The following LAMA2 variants were observed in gnomAD, a reference collection of about 807,000 sequenced individuals.
The protein encoded by LAMA2 is laminin subunit alpha 2.
LAMA2 carries 269 observed loss-of-function variants against 364.8 expected under a neutral mutation model. The ratio of observed to expected loss-of-function variants is 0.74; its 90% CI spans 0.67 to 0.82. The LOEUF is 0.82. Ranked by LOEUF, LAMA2 falls within the 40% of genes least tolerant of loss-of-function variation. LAMA2 has a pLI of 0.00. For synonymous variants in LAMA2, 1,379 were observed against 1,370.6 expected (o/e 1.01, Z -0.14); for missense variants, 3,807 against 3,873.2 (o/e 0.98, Z 0.45).
Position 129,257,108 on chromosome 6 carries a change from T to G in LAMA2, c.2097-3603T>G, listed in dbSNP as rs536002902. Among the ~76,000 whole-genome samples, 68 of 152,026 alleles carry G rather than the reference T, an allele frequency of 4.5e-4. 3 individuals carry two copies. Among genetic ancestry groups the G allele is most frequent in the Non-Finnish European group, 1.0e-4 (7 of 67,928 alleles). ...GCATTTGACTTAGTTGACAATTCTT[T>G]GATAGCTCATGCATCTCTAAAATTT... is the stretch of plus-strand genomic sequence containing the variant. On this transcript the variant is annotated intron_variant, in intron 14 of 64. Transcript: ENST00000421865.
At chr6:129,447,861 T>C (rs1782468763) in intron 45 of LAMA2, among the ~76,000 whole-genome samples, 1 of 152,268 alleles carries the variant, frequency 6.6e-6, no homozygotes, top group African/African-American at 2.4e-5. Context: ...TCTGACTTAG[T>C]CATCAAGTGG....
chr6:129,137,912 G>C (rs1777898069), intron 4 of LAMA2, among the ~76,000 whole-genome samples: 1 of 151,960 alleles, frequency 6.6e-6, no homozygotes, highest in African/African-American at 2.4e-5. Flanking sequence ...ATAAAAATAG[G>C]GGGAGTCAAG....
chr6:129,381,142 T>G (rs1055259511), intron 34 of LAMA2, among the ~76,000 whole-genome samples: 1 of 152,200 alleles, frequency 6.6e-6, no homozygotes, highest in African/African-American at 2.4e-5. Context: ...AATGTACATT[T>G]TCTGTACCAT....
intron 1 of LAMA2, among the ~76,000 whole-genome samples, chr6:128,961,000 T>TC (rs1781453644): frequency 6.6e-6 from 1 of 152,008 alleles, no homozygotes; most frequent in Non-Finnish European, 1.5e-5. Flanking sequence ...GTTAAATCTC[T>TC]GTATGTCACG....
intron 1 of LAMA2, among the ~76,000 whole-genome samples, chr6:128,955,628 G>A (rs1217690411): frequency 6.6e-6 from 1 of 151,786 alleles, no homozygotes; most frequent in Non-Finnish European, 1.5e-5. Context: ...GCAGTTATGG[G>A]CGTTTGGATA....
intron 21 of LAMA2, among the ~76,000 whole-genome samples, chr6:129,300,513 A>C (rs1161943410): frequency 6.6e-6 from 1 of 152,170 alleles, no homozygotes; most frequent in Non-Finnish European, 1.5e-5. Context: ...TAACTTTTGA[A>C]ATTAATAAAT....
Position 129,147,064 on chromosome 6 carries a change from G to A in LAMA2, c.909+16G>A, listed in dbSNP as rs1273722246. 1.3e-6 allele frequency: 2 copies of A among 1,511,264 alleles called. No homozygotes were observed. Among genetic ancestry groups the A allele is most frequent in the African/African-American group, 2.7e-5 (2 of 72,882 alleles). The allele number at this position is 1,511,264 out of a possible 1,614,324, so 93.6% of individuals were successfully genotyped here. ...AGCGACAAATGTATGTATATTTATAGGATGCTTAGGCAAAATGAAGCCCTG... is the reference window on the plus strand; with the variant it reads ...AGCGACAAATGTATGTATATTTATAAGATGCTTAGGCAAAATGAAGCCCTG... On this transcript the variant is annotated intron_variant, in intron 6 of 64. Transcript: ENST00000421865.
intron 4 of LAMA2, among the ~76,000 whole-genome samples, chr6:129,099,803 A>G (rs1448629285): frequency 6.6e-6 from 1 of 152,186 alleles, no homozygotes; most frequent in Non-Finnish European, 1.5e-5. Flanking sequence ...GGGGAAAAAC[A>G]TTCCAAATGG....
At chr6:129,451,843 A>G (rs990086804) in intron 45 of LAMA2, among the ~76,000 whole-genome samples, 1 of 152,168 alleles carries the variant, frequency 6.6e-6, no homozygotes, top group Non-Finnish European at 1.5e-5. Flanking sequence ...TCCTGGTGTC[A>G]TGATCATATG....
Position 129,300,805 on chromosome 6 carries a change from C to G in LAMA2, c.3107C>G (p.Thr1036Ser), listed in dbSNP as rs1773502105. 1 of 1,612,630 alleles carries G rather than the reference C, an allele frequency of 6.2e-7. No individual in the cohort carries two copies. The highest frequency in any genetic ancestry group is 1.3e-5 in the African/African-American group (1 of 74,888). The change falls in exon 22 of 65, where the codon ACC (threonine) becomes AGC (serine). Residue 1036 changes from threonine to serine, a missense_variant. By Grantham distance (58) the Thr-to-Ser change is moderately conservative (BLOSUM62 1). Transcript: ENST00000421865. ...KTGRCICPPN[T>S]IGEKCSKCAP... ...GGGCGATGCATTTGCCCTCCCAATA[C>G]CATTGGAGAGAAATGTTCTAAATGT...
rs771666196 is a variant in LAMA2, at chr6:129,481,457, T to G, written c.7749+18T>G. The G allele has an allele frequency of 2.5e-6, 4 of 1,600,798 alleles. No homozygotes were observed. The highest frequency in any genetic ancestry group is 3.3e-5 in the Admixed American group (2 of 59,954). ...CTGGACAGGTACCCTCACACCTAGC[T>G]GATAATGCATTTTCCCTAATGCTTA... On this transcript the variant is annotated intron_variant, in intron 55 of 64. Coordinates refer to ENST00000421865, the MANE Select transcript of LAMA2 (RefSeq NM_000426.4).
intron 12 of LAMA2, among the ~76,000 whole-genome samples, chr6:129,202,269 G>A (rs1438537489): frequency 6.6e-6 from 1 of 151,182 alleles, no homozygotes; most frequent in South Asian, 2.1e-4. Flanking sequence ...ATAGTTTCTT[G>A]TCAGACCCTA....
intron 32 of LAMA2, among the ~76,000 whole-genome samples, chr6:129,357,224 G>A (rs2114601669): frequency 6.6e-6 from 1 of 152,018 alleles, no homozygotes; most frequent in East Asian, 1.9e-4. Context: ...CACAAAACTT[G>A]GATTTGTTCA....
At chr6:128,916,027 G>A (rs978809013) in intron 1 of LAMA2, among the ~76,000 whole-genome samples, 3 of 152,104 alleles carry the variant, frequency 2.0e-5, no homozygotes, top group African/African-American at 7.2e-5. Flanking sequence ...AATTGCATGT[G>A]TACCTAATGC....
chr6:129,504,493 T>TTTTAAACCATCATGGTAC (rs1314652993), intron 60 of LAMA2, among the ~76,000 whole-genome samples: 2 of 152,188 alleles, frequency 1.3e-5, no homozygotes, highest in Non-Finnish European at 2.9e-5. Flanking sequence ...CCAGACTCAT[T>TTTTAAACCATCATGGTAC]TTTAAACCAT....
At chr6:129,224,848 C>A (rs1305747231) in intron 12 of LAMA2, among the ~76,000 whole-genome samples, 155 of 152,264 alleles carry the variant, frequency 1.0e-3, no homozygotes, top group African/African-American at 3.4e-3. Context: ...CTGGCCTCAT[C>A]AAATGAGTTA....
chr6:129,201,635 T>C (rs1434206104), intron 12 of LAMA2, among the ~76,000 whole-genome samples: 1 of 152,132 alleles, frequency 6.6e-6, no homozygotes, highest in African/African-American at 2.4e-5. Context: ...TTATTCCAAA[T>C]AAATTAACTG....
chr6:129,430,166 A>G (rs1394854662), intron 41 of LAMA2, among the ~76,000 whole-genome samples: 1 of 152,196 alleles, frequency 6.6e-6, no homozygotes, highest in Admixed American at 6.5e-5. Flanking sequence ...GGGAAATGCC[A>G]TATATTACTA....
At chr6:128,972,686 G>A (rs866418803) in intron 1 of LAMA2, among the ~76,000 whole-genome samples, 3 of 151,308 alleles carry the variant, frequency 2.0e-5, no homozygotes, top group South Asian at 2.1e-4. Context: ...TTGCACCCTC[G>A]AGCACCTCTC....
Sources: gnomAD v4.1 joint callset for allele counts (sites outside exome capture counted in the v4.1 genomes callset) on GRCh38, gnomAD v4.1.1 for gene constraint, MANE v1.5 for transcripts, NCBI Gene and HGNC (gene_info 2026-07-23, HGNC 2026-07-21) for gene names.